The following CCDC112 variants were observed in gnomAD, a reference collection of about 807,000 sequenced individuals.
The protein encoded by CCDC112 is coiled-coil domain containing 112, also known as coiled-coil domain-containing protein 112.
In CCDC112, 40 loss-of-function variants were observed where a neutral mutation model predicts 66.3. That is an observed-to-expected ratio of 0.60 (90% CI 0.47 to 0.79). CCDC112 has a LOEUF of 0.79. CCDC112 is among the 30% of genes least tolerant of loss of function. CCDC112 has a pLI of 0.00. For missense variants in CCDC112, 659 were observed against 603.8 expected (o/e 1.09, Z -0.96); for synonymous variants, 214 against 197.2 (o/e 1.09, Z -0.71).
Position 115,275,510 on chromosome 5 carries a change from T to C in CCDC112, c.624A>G (p.Thr208=). 6.2e-7 allele frequency: 1 copy of C among 1,614,070 alleles called. No homozygotes were observed. The highest frequency in any genetic ancestry group is 8.5e-7 in the Non-Finnish European group (1 of 1,179,988). The change falls in exon 6 of 10, where the codon ACA becomes ACG. Residue 208 remains threonine (T), a synonymous_variant. Transcript: ENST00000379611. The stretch of plus-strand genomic sequence containing the variant: ...TTGAGATTGCTCTGAAAGCTTTCTC[T>C]GTTTCTGAATTACCCAAAGCCCATG... ...IDTWALGNSE[T]EKAFRAISSK...
intron 1 of CCDC112, among the ~76,000 whole-genome samples, chr5:115,293,686 C>T (rs1284086571): frequency 1.3e-5 from 2 of 152,166 alleles, no homozygotes; most frequent in East Asian, 1.9e-4. Flanking sequence ...GTGATTACAC[C>T]AGGTCCACTC....
intron 1 of CCDC112, among the ~76,000 whole-genome samples, chr5:115,287,249 G>C (rs1380249808): frequency 1.3e-5 from 2 of 152,122 alleles, no homozygotes; most frequent in African/African-American, 4.8e-5. Flanking sequence ...ATTTCTCACA[G>C]TGGTTCTGAT....
At chr5:115,279,073 A>G (rs1183522669) in intron 3 of CCDC112, among the ~76,000 whole-genome samples, 1 of 152,218 alleles carries the variant, frequency 6.6e-6, no homozygotes, top group Non-Finnish European at 1.5e-5. Flanking sequence ...ACAAAAGAAC[A>G]TAGTCATGTA....
intron 3 of CCDC112, among the ~76,000 whole-genome samples, chr5:115,279,368 C>CA (rs5870643): frequency 0.47 from 71,573 of 151,712 alleles, 17,775 homozygotes; most frequent in East Asian, 0.84. Context: ...GTGTGTCAAC[C>CA]AAAAAAATCC....
At chr5:115,293,221 T>C (rs1750010367) in intron 1 of CCDC112, among the ~76,000 whole-genome samples, 1 of 152,174 alleles carries the variant, frequency 6.6e-6, no homozygotes, top group Non-Finnish European at 1.5e-5. Context: ...CGGTGCAAAG[T>C]TTCAGATAGA....
chr5:115,279,849 C>T (rs7723245), intron 2 of CCDC112, 81 bp from the exon 3 acceptor site: 32 of 761,960 alleles, frequency 4.2e-5, no homozygotes, highest in African/African-American at 1.6e-4. Context: ...CTCAATAATC[C>T]GTATTTTATA....
intron 1 of CCDC112, chr5:115,295,788 G>T: frequency 2.1e-6 from 1 of 466,404 alleles, no homozygotes; most frequent in Non-Finnish European, 2.8e-6. Context: ...ATAATATATG[G>T]TACTAAGTGC....
intron 2 of CCDC112, among the ~76,000 whole-genome samples, chr5:115,281,288 T>C (rs1035871196): frequency 1.3e-5 from 2 of 152,120 alleles, no homozygotes; most frequent in Non-Finnish European, 1.5e-5. Context: ...CCTCCCAAAA[T>C]GCTGGGATTA....
chr5:115,268,958 G>A lies in CCDC112; in HGVS notation c.1471C>T (p.Pro491Ser), dbSNP rs752661209. ...VSRDPSRLYK[P>S]TKGWEERTKK... ...GTTCGTTCTTCCCAACCTTTGGTGG[G>A]TTTGTAAAGCCTAGAGGGATCTCTA... Residue 491 changes from proline to serine, a missense_variant, in exon 9 of 10, where the codon CCC (proline) becomes TCC (serine). Coordinates refer to ENST00000379611, the MANE Select transcript of CCDC112 (RefSeq NM_001040440.3). The A allele has an allele frequency of 8.1e-6, 13 of 1,605,218 alleles. No individual in the cohort carries two copies. The highest frequency in any genetic ancestry group is 1.1e-5 in the Non-Finnish European group (13 of 1,175,992).
Position 115,296,571 on chromosome 5 carries a change from G to T in CCDC112, c.-28C>A. 6.9e-7 allele frequency: 1 copy of T among 1,443,180 alleles called. No homozygotes were observed. The allele number at this position is 1,443,180 out of a possible 1,614,324, so 89.4% of individuals were successfully genotyped here. A position where few individuals can be genotyped will look rare whatever the true frequency, so the allele number is the denominator to read the frequency against. ...TTACCCGCCGAGCTACTCGGGCCGC[G>T]GCGGCCACCGGTGCCTGGGGATTCG... On this transcript the variant is annotated 5_prime_UTR_variant, in exon 1 of 10. Transcript: ENST00000379611.
Position 115,275,415 on chromosome 5 carries a change from A to C in CCDC112, c.719T>G (p.Leu240Arg). The C allele has an allele frequency of 6.2e-7, 1 of 1,614,002 alleles. No individual in the cohort carries two copies. The highest frequency in any genetic ancestry group is 8.5e-7 in the Non-Finnish European group (1 of 1,179,974). ...ACCTTGTCGCCCTCCTGTTTGCTGA[A>C]GGAATTTTTCAAAATCTAGTACCTC... ...PEEVLDFEKF[L>R]QQTGGRQGAW... is the part of the protein sequence containing the mutation. The change falls in exon 6 of 10, where the codon CTT (leucine) becomes CGT (arginine). Residue 240 changes from leucine to arginine, a missense_variant. Transcript: ENST00000379611.
intron 3 of CCDC112, 71 bp downstream of exon 3, chr5:115,279,570 CACAAAG>C: frequency 7.0e-7 from 1 of 1,422,518 alleles, no homozygotes; most frequent in Non-Finnish European, 9.8e-7. Flanking sequence ...ACAGTCAATG[CACAAAG>C]ACAAAGCACA....
intron 6 of CCDC112, among the ~76,000 whole-genome samples, chr5:115,272,101 A>G (rs1749029219): frequency 1.3e-5 from 2 of 151,626 alleles, no homozygotes; most frequent in Non-Finnish European, 2.9e-5. Context: ...ATTTTTTTGT[A>G]TTTTTAGTAT....
chr5:115,295,008 T>G (rs1394574145), intron 1 of CCDC112, among the ~76,000 whole-genome samples: 1 of 152,136 alleles, frequency 6.6e-6, no homozygotes, highest in Non-Finnish European at 1.5e-5. Context: ...ATCTCAGCAC[T>G]ACTAACTTTT....
intron 1 of CCDC112, among the ~76,000 whole-genome samples, chr5:115,293,839 G>A (rs887731333): frequency 6.6e-6 from 1 of 152,200 alleles, no homozygotes; most frequent in Non-Finnish European, 1.5e-5. Flanking sequence ...GGTCATCAGA[G>A]GGAAGGTCCT....
At position 115,275,533 on chromosome 5, in the gene CCDC112, A is replaced by C; in HGVS notation, c.601T>G (p.Trp201Gly). 2.5e-6 allele frequency: 4 copies of C among 1,613,872 alleles called. No individual in the cohort carries two copies. Among genetic ancestry groups the C allele is most frequent in the Non-Finnish European group, 3.4e-6 (4 of 1,179,952 alleles). The change falls in exon 6 of 10, where the codon TGG becomes GGG. Residue 201 changes from tryptophan (W) to glycine (G), a missense_variant. By Grantham distance (184) the Trp-to-Gly change is radical. Transcript: ENST00000379611. The stretch of plus-strand genomic sequence containing the variant: ...TCTGTTTCTGAATTACCCAAAGCCC[A>C]TGTGTCAATTTTTCTTGATATGGCA... ...LSAISRKIDTWALGNSETEKA... is the reference protein window; with the variant it reads ...LSAISRKIDTGALGNSETEKA...
intron 2 of CCDC112, among the ~76,000 whole-genome samples, chr5:115,281,223 C>T (rs1749442703): frequency 6.6e-6 from 1 of 152,092 alleles, no homozygotes; most frequent in East Asian, 1.9e-4. Context: ...AGAATTTCGC[C>T]ATGTTGGCCA....
chr5:115,288,989 C>T, intron 1 of CCDC112: 1 of 287,672 alleles, frequency 3.5e-6, no homozygotes, highest in Admixed American at 5.0e-5. Flanking sequence ...ATCAGATTGG[C>T]TTCCTTTTTT....
At chr5:115,283,341 T>C (rs549235634) in intron 2 of CCDC112, among the ~76,000 whole-genome samples, 1 of 152,224 alleles carries the variant, frequency 6.6e-6, no homozygotes, top group African/African-American at 2.4e-5. Flanking sequence ...TTTCTGAGTT[T>C]GACTTTTTTA....
Sources: gnomAD v4.1 joint callset for allele counts (sites outside exome capture counted in the v4.1 genomes callset) on GRCh38, gnomAD v4.1.1 for gene constraint, MANE v1.5 for transcripts, NCBI Gene and HGNC (gene_info 2026-07-23, HGNC 2026-07-21) for gene names.